Variants in SQOR observed in about 807,000 individuals in gnomAD.
The protein encoded by SQOR is sulfide quinone oxidoreductase.
A neutral mutation model predicts 48.6 loss-of-function variants in SQOR; 39 were observed. That is an observed-to-expected ratio of 0.80 (90% CI 0.62 to 1.05). SQOR has a LOEUF of 1.05. Among genes scored for constraint, SQOR ranks in the 50% least tolerant of loss-of-function variants. The pLI is 0.00. For missense variants in SQOR, 561 were observed against 559.9 expected, an observed-to-expected ratio of 1.00 and a Z score of -0.02; for synonymous variants, 220 against 206.2, an observed-to-expected ratio of 1.07 and a Z score of -0.57.
At chr15:45,679,160 C>T (rs1890084072) in intron 6 of SQOR, among the ~76,000 whole-genome samples, 1 of 152,214 alleles carries the variant, frequency 6.6e-6, no homozygotes, top group East Asian at 1.9e-4. Context: ...TTTGTGTCCC[C>T]TTTGAATTAT....
intron 1 of SQOR, among the ~76,000 whole-genome samples, chr15:45,636,973 C>T (rs564307128): frequency 1.9e-4 from 29 of 151,782 alleles, no homozygotes; most frequent in South Asian, 1.2e-3. Context: ...TTTCCAAGGC[C>T]CATTGTAACC....
intron 1 of SQOR, among the ~76,000 whole-genome samples, chr15:45,657,997 G>A (rs899707508): frequency 6.6e-5 from 10 of 152,212 alleles, no homozygotes; most frequent in African/African-American, 2.4e-4. Flanking sequence ...CTTTGTGTGT[G>A]GGGTAAAGCA....
At chr15:45,644,084 A>AT (rs971469584) in intron 1 of SQOR, among the ~76,000 whole-genome samples, 13 of 150,286 alleles carry the variant, frequency 8.7e-5, no homozygotes, top group African/African-American at 1.7e-4. Flanking sequence ...GAGACGGCGT[A>AT]TTTTTTTTTT....
At chr15:45,641,280 G>A (rs760990843) in intron 1 of SQOR, among the ~76,000 whole-genome samples, 11 of 152,174 alleles carry the variant, frequency 7.2e-5, no homozygotes, top group Non-Finnish European at 1.2e-4. Flanking sequence ...TTTCTCAGGA[G>A]CAAAGGGAGC....
intron 3 of SQOR, among the ~76,000 whole-genome samples, chr15:45,666,122 C>G (rs1190439905): frequency 6.6e-6 from 1 of 152,194 alleles, no homozygotes; most frequent in Non-Finnish European, 1.5e-5. Flanking sequence ...TCAAATGCCT[C>G]AGCCTTTTTC....
At chr15:45,673,260 C>T (rs973806565) in intron 4 of SQOR, among the ~76,000 whole-genome samples, 5 of 152,162 alleles carry the variant, frequency 3.3e-5, no homozygotes, top group African/African-American at 1.2e-4. Context: ...GCTCTTGGTC[C>T]TGCCAGTTGT....
At chr15:45,652,599 C>T (rs1358841212) in intron 1 of SQOR, among the ~76,000 whole-genome samples, 2 of 149,566 alleles carry the variant, frequency 1.3e-5, no homozygotes, top group Admixed American at 6.7e-5. Flanking sequence ...CCGCCCACCT[C>T]AGCCTCCCTA....
At chr15:45,686,659 G>A (rs537023764) in intron 7 of SQOR, among the ~76,000 whole-genome samples, 1 of 152,302 alleles carries the variant, frequency 6.6e-6, no homozygotes, top group South Asian at 2.1e-4. Flanking sequence ...CACAAGGCCT[G>A]CAATTTTTCT....
intron 6 of SQOR, among the ~76,000 whole-genome samples, chr15:45,680,868 T>G (rs941908486): frequency 1.3e-5 from 2 of 149,842 alleles, no homozygotes; most frequent in Non-Finnish European, 3.0e-5. Flanking sequence ...TTCAAACACA[T>G]TAACTCCACC....
intron 1 of SQOR, among the ~76,000 whole-genome samples, chr15:45,650,652 CAGAGAGCTGATTGGTCTGTTTTTAT>C (rs1889466916): frequency 6.6e-6 from 1 of 152,192 alleles, no homozygotes. Context: ...GTCCATTTTA[CAGAGAGCTGATTGGTCTGTTTTTAT>C]AGAGAGCTGA....
chr15:45,674,734 G>A (rs1056827718), intron 5 of SQOR, among the ~76,000 whole-genome samples: 2 of 152,226 alleles, frequency 1.3e-5, no homozygotes, highest in African/African-American at 4.8e-5. Flanking sequence ...TGCTCTCTGT[G>A]TAAGAGCAGT....
intron 6 of SQOR, among the ~76,000 whole-genome samples, chr15:45,682,259 G>A (rs1484948301): frequency 1.3e-5 from 2 of 152,164 alleles, no homozygotes; most frequent in African/African-American, 2.4e-5. Context: ...CTCTGTATGG[G>A]GAGATCACGT....
intron 7 of SQOR, among the ~76,000 whole-genome samples, chr15:45,683,026 C>CAAAAAAAAAAAAAAAAAAAAA (rs34072446): frequency 8.3e-6 from 1 of 119,890 alleles, no homozygotes; most frequent in African/African-American, 3.5e-5. Context: ...GGCTTCATCT[C>CAAAAAAAAAAAAAAAAAAAAA]AAAAAAAAAA....
At chr15:45,673,503 T>C (rs1452226222) in intron 4 of SQOR, 104 bp from the exon 5 acceptor site, 24 of 1,266,470 alleles carry the variant, frequency 1.9e-5, no homozygotes, top group African/African-American at 3.0e-5. Flanking sequence ...TGGAGGGTAA[T>C]GATAGTACTG....
chr15:45,653,702 C>A (rs113695567), intron 1 of SQOR, among the ~76,000 whole-genome samples: 4,430 of 152,250 alleles, frequency 0.029, 252 homozygotes, highest in African/African-American at 0.1. Context: ...CCTTGAGTCA[C>A]CTTACTAGCA....
chr15:45,636,444 A>G (rs1895008019), intron 1 of SQOR, among the ~76,000 whole-genome samples: 1 of 144,350 alleles, frequency 6.9e-6, no homozygotes. Flanking sequence ...TCACTCTGTC[A>G]CCAGGCTGGA....
intron 1 of SQOR, among the ~76,000 whole-genome samples, chr15:45,636,066 T>G (rs1023250535): frequency 2.0e-5 from 3 of 152,158 alleles, no homozygotes; most frequent in Admixed American, 1.3e-4. Context: ...TGGCCTCAAA[T>G]GATCCGCACA....
At chr15:45,644,481 T>C (rs1895166812) in intron 1 of SQOR, among the ~76,000 whole-genome samples, 1 of 152,228 alleles carries the variant, frequency 6.6e-6, no homozygotes, top group Non-Finnish European at 1.5e-5. Flanking sequence ...GACTGAATAG[T>C]TGGCACATGC....
At chr15:45,658,508 A>G (rs542219119) in intron 1 of SQOR, among the ~76,000 whole-genome samples, 3 of 152,288 alleles carry the variant, frequency 2.0e-5, no homozygotes, top group East Asian at 3.9e-4. Flanking sequence ...ATGGACTGAA[A>G]ATCCACAGAA....
Sources: gnomAD v4.1 joint callset for allele counts (sites outside exome capture counted in the v4.1 genomes callset) on GRCh38, gnomAD v4.1.1 for gene constraint, MANE v1.5 for transcripts, NCBI Gene and HGNC (gene_info 2026-07-23, HGNC 2026-07-21) for gene names.